Variants in FAAH2 observed in about 807,000 individuals in gnomAD.
The protein encoded by FAAH2 is fatty-acid amide hydrolase 2.
FAAH2 carries 60 observed loss-of-function variants against 36.9 expected under a neutral mutation model. The ratio of observed to expected loss-of-function variants is 1.63; its 90% confidence interval spans 1.32 to 2.02. The LOEUF (loss-of-function observed/expected upper bound fraction) is 2.02, where lower values mean the gene tolerates loss of function less well. FAAH2 is among the 30% of genes most tolerant of loss of function. The pLI is 0.00. For missense variants in FAAH2, 689 were observed against 397.5 expected (o/e 1.73, Z -6.23); for synonymous variants, 214 against 143.8 (o/e 1.49, Z -3.49).
chrX:57,226,044 G>C, the FAAH2 span, among the ~76,000 whole-genome samples: 1 of 111,901 alleles, frequency 8.9e-6, no homozygotes, highest in Non-Finnish European at 1.9e-5. Flanking sequence ...TGTGTTAGGT[G>C]AGTCTCCTGA....
chrX:57,439,227 A>G (rs1251362578), intron 8 of FAAH2, among the ~76,000 whole-genome samples: 1 of 109,161 alleles, frequency 9.2e-6, no homozygotes, highest in Non-Finnish European at 1.9e-5. Flanking sequence ...AACAGTGTAA[A>G]AGTGTTCCTA....
the FAAH2 span, among the ~76,000 whole-genome samples, chrX:57,249,661 C>G: frequency 8.9e-6 from 1 of 112,054 alleles, no homozygotes. Context: ...CTCTTCTTTC[C>G]CAGTCTGTCT....
Position 57,306,774 on chromosome X carries a change from CAT to C in FAAH2, c.276-3812_276-3811del, listed in dbSNP as rs1224981564. ...CTATATGTATACACTATATATATAC[CAT>C]ATATATGTATACTATATATACACTT... On this transcript the variant is annotated intron_variant, in intron 2 of 10. Coordinates refer to ENST00000374900, the MANE Select transcript of FAAH2 (RefSeq NM_174912.4). Among the ~76,000 whole-genome samples, 6 of 83,966 alleles carry C rather than the reference CAT, an allele frequency of 7.1e-5. No individual in the cohort carries two copies. In the Admixed American group the frequency reaches 8.6e-4, roughly 12 times the overall value. 72.9% of individuals were successfully genotyped at this position (83,966 alleles called of 115,157 possible).
At chrX:57,137,262 C>A in the FAAH2 span, 2 of 761,678 alleles carry the variant, frequency 2.6e-6, no homozygotes, top group Non-Finnish European at 3.1e-6. Flanking sequence ...TCGGATACCT[C>A]GATGCTGCCT....
chrX:57,162,323 C>A, the FAAH2 span, among the ~76,000 whole-genome samples: 1 of 111,366 alleles, frequency 9.0e-6, no homozygotes, highest in Non-Finnish European at 1.9e-5. Flanking sequence ...TTTGGTGAAT[C>A]TGACAATTAT....
the FAAH2 span, among the ~76,000 whole-genome samples, chrX:57,138,330 G>T: frequency 1.8e-5 from 2 of 110,932 alleles, 1 homozygote; most frequent in Admixed American, 1.9e-4. Context: ...CAAACCAAAT[G>T]GGTGTACAAT....
chrX:57,488,936 G>T lies in FAAH2; in HGVS notation c.*4G>T. 8.3e-7 allele frequency: 1 copy of T among 1,207,566 alleles called. No homozygotes were observed. The highest frequency in any genetic ancestry group is 2.2e-5 in the Admixed American group (1 of 45,283). ...GGTCTGTCCAGGAAAGTTTTAGGAG[G>T]ACCTTCTGCAAGGTTAATGTGTGTG... On this transcript the variant is annotated 3_prime_UTR_variant, in exon 11 of 11. Transcript: ENST00000374900.
the FAAH2 span, among the ~76,000 whole-genome samples, chrX:57,250,180 A>T: frequency 8.9e-6 from 1 of 112,291 alleles, no homozygotes; most frequent in East Asian, 2.8e-4. Flanking sequence ...TTATTGTGGC[A>T]TCTCCTTACA....
chrX:57,183,375 ATC>A, the FAAH2 span, among the ~76,000 whole-genome samples: 1 of 57,083 alleles, frequency 1.8e-5, no homozygotes. Flanking sequence ...CACTAGAAAA[ATC>A]AATCAAATCA....
At chrX:57,194,957 A>ATG in the FAAH2 span, among the ~76,000 whole-genome samples, 73 of 108,851 alleles carry the variant, frequency 6.7e-4, no homozygotes, top group Non-Finnish European at 1.0e-3. Context: ...GTGTGTGTGT[A>ATG]TGTGTGTGTG....
intron 4 of FAAH2, among the ~76,000 whole-genome samples, chrX:57,340,662 G>A (rs1470008968): frequency 8.9e-6 from 1 of 111,822 alleles, no homozygotes; most frequent in African/African-American, 3.2e-5. Context: ...GGAGCTGGAA[G>A]CCATTATTCT....
At chrX:57,300,748 T>A (rs2052332943) in intron 2 of FAAH2, among the ~76,000 whole-genome samples, 1 of 111,348 alleles carries the variant, frequency 9.0e-6, no homozygotes, top group Non-Finnish European at 1.9e-5. Flanking sequence ...TACAGTGAAC[T>A]CATACAAATT....
At chrX:57,330,357 A>T (rs1281448030) in intron 3 of FAAH2, among the ~76,000 whole-genome samples, 4 of 111,498 alleles carry the variant, frequency 3.6e-5, no homozygotes, top group African/African-American at 1.3e-4. Flanking sequence ...CCAGTCTCCC[A>T]TAGCGCTCCC....
intron 5 of FAAH2, among the ~76,000 whole-genome samples, chrX:57,349,416 C>CATATATACAT (rs1165639597): frequency 2.2e-5 from 2 of 90,792 alleles, no homozygotes. Context: ...TGTATATACA[C>CATATATACAT]ATATATACAT....
At chrX:57,479,824 A>T (rs1569373940) in intron 10 of FAAH2, among the ~76,000 whole-genome samples, 1 of 111,234 alleles carries the variant, frequency 9.0e-6, no homozygotes. Context: ...GATGAAACCC[A>T]CTTGATCATG....
chrX:57,243,595 C>T, the FAAH2 span, among the ~76,000 whole-genome samples: 2 of 112,191 alleles, frequency 1.8e-5, no homozygotes, highest in Non-Finnish European at 3.8e-5. Context: ...GCTGGTGATA[C>T]TCAGGCAAAC....
the FAAH2 span, among the ~76,000 whole-genome samples, chrX:57,197,543 A>AT: frequency 0.45 from 47,223 of 105,261 alleles, 11,107 homozygotes; most frequent in African/African-American, 0.88. Context: ...CTATTCAGAT[A>AT]TTTTTTTTTT....
chrX:57,422,560 C>T (rs961395411), intron 7 of FAAH2, among the ~76,000 whole-genome samples: 7 of 111,720 alleles, frequency 6.3e-5, no homozygotes, highest in Admixed American at 5.7e-4. Flanking sequence ...ACTGTACACG[C>T]TGTGAAATGA....
At chrX:57,231,817 A>G in the FAAH2 span, among the ~76,000 whole-genome samples, 1 of 111,751 alleles carries the variant, frequency 8.9e-6, no homozygotes, top group Non-Finnish European at 1.9e-5. Flanking sequence ...AAATTGTTCT[A>G]TGTCTACTTG....
Sources: allele counts gnomAD v4.1 joint callset (sites outside exome capture counted in the v4.1 genomes callset), GRCh38; gene constraint gnomAD v4.1.1; transcripts MANE v1.5; gene names NCBI Gene and HGNC (gene_info 2026-07-23, HGNC 2026-07-21).